The following MARCHF1 variants were observed in gnomAD, a reference collection of about 807,000 sequenced individuals.
MARCHF1 encodes the protein membrane associated ring-CH-type finger 1, also known as E3 ubiquitin-protein ligase MARCHF1.
In MARCHF1, 40 loss-of-function variants were observed where a neutral mutation model predicts 54.2. The observed-to-expected ratio is 0.74, with a 90% CI of 0.57 to 0.96. The LOEUF is 0.96. Among genes scored for constraint, MARCHF1 ranks in the 40% least tolerant of loss-of-function variants. The pLI is 0.00. For missense variants in MARCHF1, 586 were observed against 656.5 expected (o/e 0.89, Z 1.17); for synonymous variants, 236 against 236.3 (o/e 1.00, Z 0.01).
At chr4:163,918,319 A>ATTCTTTG (rs1751354211) in intron 3 of MARCHF1, among the ~76,000 whole-genome samples, 1 of 152,070 alleles carries the variant, frequency 6.6e-6, no homozygotes, top group Admixed American at 6.6e-5. Context: ...ATTCTTTATT[A>ATTCTTTG]GATGTATGTT....
At chr4:163,711,627 C>T (rs748664246) in intron 4 of MARCHF1, among the ~76,000 whole-genome samples, 2 of 152,110 alleles carry the variant, frequency 1.3e-5, no homozygotes, top group Non-Finnish European at 2.9e-5. Flanking sequence ...TGACTTTGCC[C>T]CACAATTGGA....
At position 163,587,316 on chromosome 4, in the gene MARCHF1, T is replaced by G. The variant is rs575968840; in HGVS notation, c.1011-1387A>C. Reference sequence around the variant, plus strand: ...CTTTAAATCTGTTAAATATATACACTCATATGTTTACTGCAGCACTATTCA... The same window carrying G: ...CTTTAAATCTGTTAAATATATACACGCATATGTTTACTGCAGCACTATTCA... On this transcript the variant is annotated intron_variant, in intron 7 of 9. Transcript: ENST00000514618. Among the ~76,000 whole-genome samples, 5 of 152,256 alleles carry G rather than the reference T, an allele frequency of 3.3e-5. No homozygotes were observed. The South Asian group carries it at 1.0e-3, about 32-fold the overall frequency.
chr4:164,366,152 A>G (rs1730874425), intron 1 of MARCHF1, among the ~76,000 whole-genome samples: 1 of 152,094 alleles, frequency 6.6e-6, no homozygotes, highest in Admixed American at 6.6e-5. Context: ...ACAATATTTA[A>G]TGGGGCACAA....
intron 3 of MARCHF1, among the ~76,000 whole-genome samples, chr4:163,939,140 AAAG>A (rs767859577): frequency 7.9e-5 from 12 of 152,316 alleles, no homozygotes; most frequent in Admixed American, 4.6e-4. Context: ...ATTTCTGGCT[AAAG>A]ATGACTTACA....
intron 2 of MARCHF1, among the ~76,000 whole-genome samples, chr4:164,035,981 T>C (rs1487680615): frequency 1.4e-5 from 2 of 147,676 alleles, no homozygotes; most frequent in African/African-American, 5.0e-5. Flanking sequence ...TGTGTACCTG[T>C]AATCCCAGCT....
At chr4:164,184,421 T>C (rs1412825404) in intron 1 of MARCHF1, among the ~76,000 whole-genome samples, 2 of 152,178 alleles carry the variant, frequency 1.3e-5, no homozygotes, top group Admixed American at 6.5e-5. Flanking sequence ...AGCTTCCACA[T>C]TGAAGAGAAA....
At chr4:163,903,236 TTGTGTG>T (rs59858271) in intron 3 of MARCHF1, among the ~76,000 whole-genome samples, 13 of 151,108 alleles carry the variant, frequency 8.6e-5, no homozygotes, top group Non-Finnish European at 1.8e-4. Flanking sequence ...CTTCCTTCCC[TTGTGTG>T]TGTGTGTGTG....
chr4:163,707,012 C>A (rs566712524), intron 4 of MARCHF1, among the ~76,000 whole-genome samples: 4 of 152,096 alleles, frequency 2.6e-5, no homozygotes, highest in South Asian at 2.1e-4. Flanking sequence ...ATAGTTGATA[C>A]AATAAATGTT....
At chr4:163,896,514 A>G (rs1750809446) in intron 3 of MARCHF1, among the ~76,000 whole-genome samples, 1 of 152,002 alleles carries the variant, frequency 6.6e-6, no homozygotes, top group Non-Finnish European at 1.5e-5. Context: ...CCTTTCTTTC[A>G]TAGTCTTTTT....
intron 1 of MARCHF1, among the ~76,000 whole-genome samples, chr4:164,291,409 A>G (rs1734280405): frequency 6.6e-6 from 1 of 152,060 alleles, no homozygotes; most frequent in Non-Finnish European, 1.5e-5. Context: ...TAACAAAATT[A>G]TCTCATTTGT....
chr4:164,288,805 G>A (rs570339603), intron 1 of MARCHF1, among the ~76,000 whole-genome samples: 82 of 152,136 alleles, frequency 5.4e-4, no homozygotes, highest in African/African-American at 1.9e-3. Flanking sequence ...AAAAAATTCC[G>A]AGGTGAGAGT....
intron 2 of MARCHF1, among the ~76,000 whole-genome samples, chr4:164,060,844 T>C (rs1177007291): frequency 6.6e-6 from 1 of 152,202 alleles, no homozygotes; most frequent in Non-Finnish European, 1.5e-5. Context: ...TACCATGTAT[T>C]ATTATTGTTT....
At chr4:164,299,542 T>C (rs1232832312) in intron 1 of MARCHF1, among the ~76,000 whole-genome samples, 1 of 152,176 alleles carries the variant, frequency 6.6e-6, no homozygotes, top group Non-Finnish European at 1.5e-5. Flanking sequence ...GTTAAGGAAG[T>C]TGGATTTTTG....
chr4:163,725,094 G>A (rs747084564), intron 4 of MARCHF1, among the ~76,000 whole-genome samples: 5 of 152,068 alleles, frequency 3.3e-5, no homozygotes, highest in Admixed American at 6.6e-5. Context: ...CGTCTGCGTC[G>A]CTCACGCTGG....
rs564387344 is a variant in MARCHF1, at chr4:163,873,075, A to G, written c.-38-18906T>C. Among the ~76,000 whole-genome samples, 11 of 144,708 alleles carry G rather than the reference A, an allele frequency of 7.6e-5. No individual in the cohort carries two copies. The South Asian group carries it at 1.7e-3, about 22-fold the overall frequency. The allele number at this position is 144,708 out of a possible 152,430, so 94.9% of individuals were successfully genotyped here. A position where few individuals can be genotyped will look rare whatever the true frequency, so the allele number is the denominator to read the frequency against. On this transcript the variant is annotated intron_variant, in intron 3 of 9. Transcript: ENST00000514618. ...AAAACAAACAAACAAACAAAAAAAAACAAACAAACAAACAAAAAAAATGAT... is the reference window on the plus strand; with the variant it reads ...AAAACAAACAAACAAACAAAAAAAAGCAAACAAACAAACAAAAAAAATGAT...
chr4:163,659,995 C>T (rs899143837), intron 5 of MARCHF1, among the ~76,000 whole-genome samples: 20 of 152,108 alleles, frequency 1.3e-4, no homozygotes, highest in South Asian at 8.3e-4. Flanking sequence ...GACAGTGAGG[C>T]GTTTCCTCAA....
intron 1 of MARCHF1, among the ~76,000 whole-genome samples, chr4:164,322,343 C>T (rs1231663390): frequency 6.6e-6 from 1 of 151,868 alleles, no homozygotes; most frequent in Non-Finnish European, 1.5e-5. Context: ...ACAATATATA[C>T]TAATTTCCTT....
chr4:163,910,306 C>G, intron 3 of MARCHF1, among the ~76,000 whole-genome samples: 1 of 152,122 alleles, frequency 6.6e-6, no homozygotes, highest in Non-Finnish European at 1.5e-5. Context: ...TTAGACACTA[C>G]ATAAACAATG....
intron 2 of MARCHF1, among the ~76,000 whole-genome samples, chr4:164,106,625 G>C (rs1333067149): frequency 6.7e-6 from 1 of 148,296 alleles, no homozygotes; most frequent in Non-Finnish European, 1.5e-5. Flanking sequence ...GTGGGGTAGG[G>C]GGAGGGGGGA....
Sources: allele counts gnomAD v4.1 joint callset (sites outside exome capture counted in the v4.1 genomes callset), GRCh38; gene constraint gnomAD v4.1.1; transcripts MANE v1.5; gene names NCBI Gene and HGNC (gene_info 2026-07-23, HGNC 2026-07-21).